The following SGCD variants were observed in gnomAD, a reference collection of about 807,000 sequenced individuals.
The protein encoded by SGCD is delta-sarcoglycan.
SGCD carries 18 observed loss-of-function variants against 36.6 expected under a neutral mutation model. The ratio of observed to expected loss-of-function variants is 0.49; its 90% confidence interval spans 0.34 to 0.73. The LOEUF is 0.73. SGCD is among the 30% of genes least tolerant of loss of function. The pLI, the probability that SGCD is intolerant of heterozygous loss-of-function variation, is 0.01. For synonymous variants in SGCD, 133 were observed against 130.6 expected, an observed-to-expected ratio of 1.02 and a Z score of -0.12; for missense variants, 387 against 346.7, an observed-to-expected ratio of 1.12 and a Z score of -0.92.
chr5:155,840,341 T>C, the SGCD span, among the ~76,000 whole-genome samples: 2 of 151,534 alleles, frequency 1.3e-5, no homozygotes, highest in African/African-American at 4.8e-5. Context: ...CCTCCTAGGT[T>C]CAAGCCATTC....
At chr5:156,590,073 G>C (rs774142090) in intron 5 of SGCD, among the ~76,000 whole-genome samples, 3 of 152,184 alleles carry the variant, frequency 2.0e-5, no homozygotes, top group Non-Finnish European at 4.4e-5. Flanking sequence ...GAAAAGGAAT[G>C]TATGTATGAA....
At chr5:155,804,627 G>T in the SGCD span, among the ~76,000 whole-genome samples, 8 of 152,152 alleles carry the variant, frequency 5.3e-5, no homozygotes, top group Non-Finnish European at 1.0e-4. Context: ...TTCCTAACTT[G>T]TGACCCTGCT....
intron 3 of SGCD, among the ~76,000 whole-genome samples, chr5:156,204,524 G>T (rs1764226944): frequency 6.6e-6 from 1 of 151,704 alleles, no homozygotes; most frequent in South Asian, 2.1e-4. Context: ...GAACTAGAGT[G>T]ATTTTTTGAT....
At chr5:156,523,629 T>G (rs1382569509) in intron 4 of SGCD, among the ~76,000 whole-genome samples, 1 of 152,218 alleles carries the variant, frequency 6.6e-6, no homozygotes, top group African/African-American at 2.4e-5. Context: ...AATCTCACAT[T>G]TTTTTAAAAA....
At chr5:155,813,356 G>A in the SGCD span, among the ~76,000 whole-genome samples, 1,081 of 152,260 alleles carry the variant, frequency 7.1e-3, 8 homozygotes, top group Non-Finnish European at 0.011. Flanking sequence ...AGAGCAGTAT[G>A]TTTAAAACTG....
intron 4 of SGCD, among the ~76,000 whole-genome samples, chr5:156,533,259 C>A (rs1445965983): frequency 6.6e-6 from 1 of 152,142 alleles, no homozygotes; most frequent in Non-Finnish European, 1.5e-5. Context: ...TTTTTCTCCA[C>A]TCAAACTGCA....
chr5:156,375,696 C>A (rs1463309129), intron 3 of SGCD, among the ~76,000 whole-genome samples: 2 of 152,166 alleles, frequency 1.3e-5, no homozygotes, highest in African/African-American at 4.8e-5. Flanking sequence ...TGAAGATGTA[C>A]AAGAGTGCAT....
At chr5:155,799,812 C>CTTTTTTTT in the SGCD span, among the ~76,000 whole-genome samples, 30 of 58,778 alleles carry the variant, frequency 5.1e-4, no homozygotes, top group African/African-American at 8.3e-4. Flanking sequence ...TCCTATTCCC[C>CTTTTTTTT]TTTTTTTTTT....
intron 1 of SGCD, among the ~76,000 whole-genome samples, chr5:155,906,041 G>A (rs3097822): frequency 0.54 from 81,763 of 151,996 alleles, 24,478 homozygotes; most frequent in Non-Finnish European, 0.69. Context: ...TTTTCCAACA[G>A]CATGGGCTGT....
intron 3 of SGCD, among the ~76,000 whole-genome samples, chr5:156,506,641 C>A (rs1046088978): frequency 6.6e-6 from 1 of 152,076 alleles, no homozygotes; most frequent in Non-Finnish European, 1.5e-5. Context: ...AAACCCTTGA[C>A]TGAAGTAGGG....
At chr5:156,462,204 C>T (rs1754516073) in intron 3 of SGCD, among the ~76,000 whole-genome samples, 1 of 143,220 alleles carries the variant, frequency 7.0e-6, no homozygotes, top group Admixed American at 6.9e-5. Context: ...AGCCAGATGA[C>T]AATAACAATA....
intron 3 of SGCD, among the ~76,000 whole-genome samples, chr5:156,261,307 G>C (rs1380403515): frequency 6.6e-6 from 1 of 151,938 alleles, no homozygotes; most frequent in South Asian, 2.1e-4. Context: ...TACTTATTTT[G>C]GTGTATGTTT....
chr5:156,358,321 C>A (rs1226926470), intron 3 of SGCD, among the ~76,000 whole-genome samples: 1 of 152,124 alleles, frequency 6.6e-6, no homozygotes, highest in Non-Finnish European at 1.5e-5. Flanking sequence ...GCATTGCAAT[C>A]CTTGGCAGGG....
intron 3 of SGCD, among the ~76,000 whole-genome samples, chr5:156,363,047 T>A (rs1473007098): frequency 2.0e-5 from 3 of 152,204 alleles, no homozygotes; most frequent in Non-Finnish European, 4.4e-5. Flanking sequence ...CTTTTTTTTT[T>A]AATGGGTGAG....
At chr5:156,696,496 A>G (rs981938288) in intron 7 of SGCD, among the ~76,000 whole-genome samples, 2 of 152,128 alleles carry the variant, frequency 1.3e-5, no homozygotes, top group African/African-American at 2.4e-5. Flanking sequence ...TCTTCTCTCA[A>G]TGCTTGCAAT....
the SGCD span, among the ~76,000 whole-genome samples, chr5:155,827,849 T>C: frequency 1.2e-4 from 18 of 147,818 alleles, no homozygotes; most frequent in Non-Finnish European, 9.0e-5. Flanking sequence ...TGGCTAATTT[T>C]TTTTTTTTTT....
intron 3 of SGCD, among the ~76,000 whole-genome samples, chr5:156,191,026 G>A (rs1406285209): frequency 6.6e-6 from 1 of 151,816 alleles, no homozygotes; most frequent in Admixed American, 6.6e-5. Flanking sequence ...TGTCAAAAGG[G>A]GAATTTATTT....
In SGCD at chr5:156,074,262, A is replaced by T. The variant is rs73298669; in HGVS notation, c.-281-43616A>T. Among the ~76,000 whole-genome samples, 680 of 152,268 alleles carry T rather than the reference A, an allele frequency of 4.5e-3. 3 individuals carry two copies. The highest frequency in any genetic ancestry group is 0.014 in the African/African-American group (592 of 41,550). On this transcript the variant is annotated intron_variant, in intron 1 of 9. Coordinates refer to the SGCD transcript ENST00000517913. Reference sequence around the variant, plus strand: ...GTTCTGTGGTATGGATGAAAGACTGAATATAGGGAACTGATGGGATTGTCA... The same window carrying T: ...GTTCTGTGGTATGGATGAAAGACTGTATATAGGGAACTGATGGGATTGTCA...
rs1327157559 is a variant in SGCD, at chr5:155,968,105, G to A, written c.-282+97681G>A. On this transcript the variant is annotated intron_variant, in intron 1 of 9. Transcript: ENST00000517913. The stretch of plus-strand genomic sequence containing the variant: ...GTTGGTCATTTTTTATAGGAAATAG[G>A]CCTTAAAGTGATCATCACTTTCTCA... 3.3e-5 allele frequency among the ~76,000 whole-genome samples: 5 copies of A among 152,078 alleles called. No individual in the cohort carries two copies. In the South Asian group the frequency reaches 8.3e-4, roughly 25 times the overall value.
Sources: gnomAD v4.1 joint callset for allele counts (sites outside exome capture counted in the v4.1 genomes callset) on GRCh38, gnomAD v4.1.1 for gene constraint, MANE v1.5 for transcripts, NCBI Gene and HGNC (gene_info 2026-07-23, HGNC 2026-07-21) for gene names.